Variants in B4GALNT2 observed in about 807,000 individuals in gnomAD.
The protein encoded by B4GALNT2 is beta-1,4-N-acetyl-galactosaminyltransferase 2 (SID blood group), also known as N-acetylneuraminylgalactosylglucosyl-glucoside beta-1,4-N- acetylgalactosaminyltransferase 2.
Under a neutral mutation model 51.1 loss-of-function variants are expected in B4GALNT2, and 42 were observed. The ratio of observed to expected loss-of-function variants is 0.82; its 90% confidence interval spans 0.64 to 1.06. B4GALNT2 has a LOEUF of 1.06. B4GALNT2 is among the 50% of genes least tolerant of loss of function. The pLI, the probability that B4GALNT2 is intolerant of heterozygous loss-of-function variation, is 0.00. For missense variants in B4GALNT2, 602 were observed against 633.6 expected (o/e 0.95, Z 0.54); for synonymous variants, 253 against 251.7 (o/e 1.01, Z -0.05).
At position 49,141,343 on chromosome 17, in the gene B4GALNT2, C is replaced by T; in HGVS notation, c.111C>T (p.Phe37=). The T allele has an allele frequency of 6.2e-7, 1 of 1,614,116 alleles. No homozygotes were observed. The highest frequency in any genetic ancestry group is 8.5e-7 in the Non-Finnish European group (1 of 1,180,022). Reference sequence around the variant, plus strand: ...GAAGCATGTTCCTTCAAGCAGTGTTCAGCAGCCCCAAGCCAGAACTCCCAA... The same window carrying T: ...GAAGCATGTTCCTTCAAGCAGTGTTTAGCAGCCCCAAGCCAGAACTCCCAA... ...MFGSMFLQAV[F]SSPKPELPSP... is the part of the protein sequence containing the mutation. Residue 37 remains phenylalanine, a synonymous_variant, in exon 2 of 11, where the codon TTC becomes TTT. Coordinates refer to ENST00000393354, the MANE Select transcript of B4GALNT2 (RefSeq NM_001159387.2).
intron 4 of B4GALNT2, among the ~76,000 whole-genome samples, chr17:49,155,527 G>C (rs546432953): frequency 1.3e-5 from 2 of 150,492 alleles, no homozygotes; most frequent in African/African-American, 4.9e-5. Context: ...ACTTGAACTT[G>C]GGAGGTAGAG....
upstream of B4GALNT2, among the ~76,000 whole-genome samples, chr17:49,131,461 C>CG (rs1250832362): frequency 2.9e-5 from 1 of 34,378 alleles, no homozygotes; most frequent in Non-Finnish European, 6.5e-5. Flanking sequence ...TCCCAGACTC[C>CG]GAAAAAAAAA....
chr17:49,164,907 G>T (rs1390919428), intron 8 of B4GALNT2, among the ~76,000 whole-genome samples: 1 of 152,156 alleles, frequency 6.6e-6, no homozygotes, highest in East Asian at 1.9e-4. Context: ...AACCTTAAAG[G>T]CTCAAGTGAT....
upstream of B4GALNT2, among the ~76,000 whole-genome samples, chr17:49,129,618 A>AT (rs35573556): frequency 5.6e-3 from 847 of 151,538 alleles, 2 homozygotes; most frequent in East Asian, 0.022. Flanking sequence ...CTTCTGGCCG[A>AT]TTTTTTGGTC....
At chr17:49,121,611 G>A in the B4GALNT2 span, among the ~76,000 whole-genome samples, 555 of 152,314 alleles carry the variant, frequency 3.6e-3, 3 homozygotes, top group African/African-American at 0.013. Flanking sequence ...AAATACAGAG[G>A]AGATTCAGGT....
At chr17:49,133,219 G>C in intron 1 of B4GALNT2, 2 of 1,489,640 alleles carry the variant, frequency 1.3e-6, no homozygotes, top group Non-Finnish European at 1.8e-6. Context: ...CGCCGTCAGG[G>C]GTATGTGAGT....
At chr17:49,136,404 G>A (rs28406894) in intron 1 of B4GALNT2, among the ~76,000 whole-genome samples, 2,507 of 151,768 alleles carry the variant, frequency 0.017, 70 homozygotes, top group African/African-American at 0.057. Flanking sequence ...GCATACAATC[G>A]AATAAAGTTT....
chr17:49,132,315 G>A (rs1312288618), upstream of B4GALNT2: 4 of 163,704 alleles, frequency 2.4e-5, no homozygotes, highest in East Asian at 3.4e-4. Context: ...GTCCCTGCCC[G>A]TTAGAAGGAT....
chr17:49,131,801 G>A (rs558182186), upstream of B4GALNT2, among the ~76,000 whole-genome samples: 9 of 152,090 alleles, frequency 5.9e-5, no homozygotes, highest in African/African-American at 1.7e-4. Context: ...ATGAGACACC[G>A]CACCCGGCCC....
At position 49,164,151 on chromosome 17, in the gene B4GALNT2, T is replaced by C. The variant is rs768452817; in HGVS notation, c.830T>C (p.Met277Thr). The C allele has an allele frequency of 2.2e-5, 35 of 1,614,006 alleles. No homozygotes were observed. The Admixed American group carries it at 5.8e-4, about 27-fold the overall frequency. Reference sequence around the variant, plus strand: ...ACTTTCCTCCGCCCCCACAAGCTCATGATCATGCTCCGGAGTATTCGAGAG... The same window carrying C: ...ACTTTCCTCCGCCCCCACAAGCTCACGATCATGCTCCGGAGTATTCGAGAG... Reference protein sequence around the residue: ...TKTFLRPHKLMIMLRSIREYY... With the variant: ...TKTFLRPHKLTIMLRSIREYY... The change falls in exon 8 of 11, where the codon ATG becomes ACG. Residue 277 changes from methionine to threonine, a missense_variant. Physicochemically the swap from Met to Thr is moderately conservative, Grantham distance 81. Transcript: ENST00000393354.
intron 1 of B4GALNT2, among the ~76,000 whole-genome samples, chr17:49,138,162 T>C (rs1055060755): frequency 6.6e-6 from 1 of 152,228 alleles, no homozygotes; most frequent in South Asian, 2.1e-4. Flanking sequence ...CTAAATTTCC[T>C]ATATATTAAT....
chr17:49,152,396 A>C (rs2042766249), intron 3 of B4GALNT2, among the ~76,000 whole-genome samples: 1 of 152,146 alleles, frequency 6.6e-6, no homozygotes, highest in Non-Finnish European at 1.5e-5. Flanking sequence ...AAATGCAGCC[A>C]GGTGCGGTGG....
At chr17:49,155,297 CA>C (rs34869721) in intron 4 of B4GALNT2, among the ~76,000 whole-genome samples, 5,781 of 54,202 alleles carry the variant, frequency 0.11, 68 homozygotes, top group African/African-American at 0.13. Context: ...GATTCAGTCT[CA>C]AAAAAAAAAA....
At chr17:49,141,547 C>A in intron 2 of B4GALNT2, 100 bp downstream of exon 2, 1 of 1,283,238 alleles carries the variant, frequency 7.8e-7, no homozygotes, top group Non-Finnish European at 1.1e-6. Context: ...AGATGGTTCC[C>A]TTGCTTTCCT....
chr17:49,176,550 G>A lies in B4GALNT2; in HGVS notation c.*6822G>A, dbSNP rs2042989825. 6.6e-6 allele frequency: 1 copy of A among 152,216 alleles called. No individual in the cohort carries two copies. The highest frequency in any genetic ancestry group is 6.5e-5 in the Admixed American group (1 of 15,278). 9.4% of individuals were successfully genotyped at this position (152,216 alleles called of 1,614,324 possible). On this transcript the variant is annotated 3_prime_UTR_variant, in exon 11 of 11. Transcript: ENST00000393354. ...CCTTAAGAGGTTTTCCCCCCTGGGT[G>A]GGACAGGTGTTCCTTGCCCTCATTC...
chr17:49,135,934 T>C (rs1253583869), intron 1 of B4GALNT2, among the ~76,000 whole-genome samples: 2 of 151,616 alleles, frequency 1.3e-5, no homozygotes, highest in Non-Finnish European at 2.9e-5. Flanking sequence ...AAAATAAAAA[T>C]TAGCCAGGTG....
intron 1 of B4GALNT2, chr17:49,133,007 G>T (rs748932510): frequency 6.8e-7 from 1 of 1,463,728 alleles, no homozygotes; most frequent in Admixed American, 2.9e-5. Flanking sequence ...CGTGCGGAAC[G>T]AACTCTGCAC....
chr17:49,166,227 T>A lies in B4GALNT2; in HGVS notation c.1068T>A (p.Asp356Glu). The A allele has an allele frequency of 6.2e-7, 1 of 1,614,036 alleles. No homozygotes were observed. ...AGACCAAGATTGAGGTGCTGGTGGA[T>A]GTCCTGGAGAAAACAGAACTGGACG... is the stretch of plus-strand genomic sequence containing the variant. ...NEETKIEVLV[D>E]VLEKTELDVV... Residue 356 changes from aspartate to glutamate, a missense_variant, in exon 9 of 11, where the codon GAT (aspartate) becomes GAA (glutamate). Coordinates refer to ENST00000393354, the MANE Select transcript of B4GALNT2 (RefSeq NM_001159387.2).
upstream of B4GALNT2, chr17:49,132,552 G>A (rs544388139): frequency 2.1e-4 from 85 of 410,924 alleles, no homozygotes; most frequent in Admixed American, 9.3e-4. Flanking sequence ...CGCGGGGATT[G>A]TGTTTTTCTT....
Sources: gnomAD v4.1 joint callset for allele counts (sites outside exome capture counted in the v4.1 genomes callset) on GRCh38, gnomAD v4.1.1 for gene constraint, MANE v1.5 for transcripts, NCBI Gene and HGNC (gene_info 2026-07-23, HGNC 2026-07-21) for gene names.